ANO5: variants seen among roughly 807,000 people sequenced by gnomAD.
ANO5 encodes the protein anoctamin 5.
ANO5 carries 109 observed loss-of-function variants against 121.0 expected under a neutral mutation model. That is an observed-to-expected ratio of 0.90 (90% CI 0.77 to 1.06). The LOEUF is 1.06. ANO5 is among the 50% of genes least tolerant of loss of function. The pLI is 0.00. For synonymous variants in ANO5, 406 were observed against 359.9 expected (o/e 1.13, Z -1.45); for missense variants, 1,064 against 1,078.5 (o/e 0.99, Z 0.19).
intron 3 of ANO5, among the ~76,000 whole-genome samples, chr11:22,212,027 A>C (rs989193720): frequency 1.3e-5 from 2 of 151,408 alleles, no homozygotes; most frequent in African/African-American, 4.8e-5. Context: ...AGCATTTTAC[A>C]TGATTCCAAA....
chr11:22,221,074 T>C (rs1348079465), intron 4 of ANO5, 23 bp from the exon 5 acceptor site: 2 of 1,494,840 alleles, frequency 1.3e-6, no homozygotes, highest in East Asian at 4.5e-5. Context: ...AATTTACAAT[T>C]GTGTCATTTA....
intron 6 of ANO5, 107 bp downstream of exon 6, chr11:22,226,159 T>C: frequency 1.1e-6 from 1 of 888,568 alleles, no homozygotes; most frequent in Admixed American, 2.0e-5. Context: ...ATACAATAGC[T>C]CTTTTGGCTA....
In ANO5 at chr11:22,215,534, A is replaced by G. The variant is rs145395621; in HGVS notation, c.139-2712A>G. 3.4e-3 allele frequency among the ~76,000 whole-genome samples: 514 copies of G among 152,086 alleles called. 2 individuals carry two copies. Among genetic ancestry groups the G allele is most frequent in the African/African-American group, 0.012 (495 of 41,546 alleles). On this transcript the variant is annotated intron_variant, in intron 3 of 21. Transcript: ENST00000324559. ...CCAAATGCTTTCTCAGCATATGCAT[A>G]TGGATGTCTAAAAGCTATCTCAAGA...
At chr11:22,213,072 A>T (rs1852331851) in intron 3 of ANO5, among the ~76,000 whole-genome samples, 1 of 151,266 alleles carries the variant, frequency 6.6e-6, no homozygotes, top group Non-Finnish European at 1.5e-5. Flanking sequence ...ATAGTTTTAG[A>T]TTTTATTATA....
chr11:22,272,918 T>G lies in ANO5; in HGVS notation c.2164T>G (p.Ser722Ala). 6.2e-7 allele frequency: 1 copy of G among 1,614,154 alleles called. No individual in the cohort carries two copies. Among genetic ancestry groups the G allele is most frequent in the Middle Eastern group, 1.6e-4 (1 of 6,062 alleles). Reference sequence around the variant, plus strand: ...CACTCAATACAGGAGAACTGTAGCTTCTAAAGCTCATAGCATAGGTGTTTG... The same window carrying G: ...CACTCAATACAGGAGAACTGTAGCTGCTAAAGCTCATAGCATAGGTGTTTG... ...LTTQYRRTVA[S>A]KAHSIGVWQD... The change falls in exon 19 of 22, where the codon TCT becomes GCT. Residue 722 changes from serine (S) to alanine (A), a missense_variant. Ser to Ala is a moderately conservative substitution (Grantham distance 99). Transcript: ENST00000324559.
chr11:22,259,594 A>C lies in ANO5; in HGVS notation c.1483A>C (p.Met495Leu), dbSNP rs1379096621. Reference sequence around the variant, plus strand: ...AGTCTTTGCTACATTTGCTAGTTTCATGGAAAGTGATGCATCCTTAAAGCA... The same window carrying C: ...AGTCTTTGCTACATTTGCTAGTTTCCTGGAAAGTGATGCATCCTTAAAGCA... ...LSVFATFASF[M>L]ESDASLKQVK... The change falls in exon 15 of 22, where the codon ATG becomes CTG. Residue 495 changes from methionine to leucine, a missense_variant. By Grantham distance (15) the Met-to-Leu change is conservative (BLOSUM62 2). Coordinates refer to ENST00000324559, the MANE Select transcript of ANO5 (RefSeq NM_213599.3). 3.1e-6 allele frequency: 5 copies of C among 1,613,998 alleles called. No homozygotes were observed. Among genetic ancestry groups the C allele is most frequent in the African/African-American group, 2.7e-5 (2 of 74,912 alleles).
At position 22,193,329 on chromosome 11, in the gene ANO5, A is replaced by AG. The variant is rs1851706605; in HGVS notation, c.-163dup. 25 of 1,485,204 alleles carry AG rather than the reference A, an allele frequency of 1.7e-5. No homozygotes were observed. The East Asian group carries it at 4.3e-4, about 25-fold the overall frequency. The allele number at this position is 1,485,204 out of a possible 1,614,324, so 92.0% of individuals were successfully genotyped here. On this transcript the variant is annotated 5_prime_UTR_variant, in exon 1 of 22. Coordinates refer to ENST00000324559, the MANE Select transcript of ANO5 (RefSeq NM_213599.3). ...GAGACGGTGGAGTCCGAGGAGGAGG[A>AG]GAAGGAGGCCTGCAGAAGGAAGAGC...
chr11:22,200,856 T>G (rs929079956), intron 1 of ANO5, among the ~76,000 whole-genome samples: 5 of 152,156 alleles, frequency 3.3e-5, no homozygotes, highest in Non-Finnish European at 5.9e-5. Flanking sequence ...AGGATTTGAA[T>G]TATCACCTAG....
chr11:22,281,455 G>A lies in ANO5; in HGVS notation c.*1690G>A, dbSNP rs1227409752. The A allele has an allele frequency of 6.6e-6, 1 of 151,970 alleles. No homozygotes were observed. The highest frequency in any genetic ancestry group is 1.5e-5 in the Non-Finnish European group (1 of 67,892). 9.4% of individuals were successfully genotyped at this position (151,970 alleles called of 1,614,324 possible). A position where few individuals can be genotyped will look rare whatever the true frequency, so the allele number is the denominator to read the frequency against. On this transcript the variant is annotated 3_prime_UTR_variant, in exon 22 of 22. Coordinates refer to ENST00000324559, the MANE Select transcript of ANO5 (RefSeq NM_213599.3). ...TGAGTAGACTTTATGAATATTTTGG[G>A]TAATTTGAAATGATCTCATTATTGA...
At chr11:22,259,451 A>C in intron 14 of ANO5, 68 bp from the exon 15 acceptor site, 1 of 1,408,764 alleles carries the variant, frequency 7.1e-7, no homozygotes, top group Non-Finnish European at 1.0e-6. Context: ...AATAATCAAT[A>C]TGTTAGATAT....
intron 1 of ANO5, among the ~76,000 whole-genome samples, chr11:22,193,772 G>A (rs1234193794): frequency 6.6e-6 from 1 of 152,174 alleles, no homozygotes; most frequent in East Asian, 1.9e-4. Flanking sequence ...CCAGGGACCT[G>A]CGACCTGTGA....
intron 1 of ANO5, 100 bp downstream of exon 1, chr11:22,193,632 G>C: frequency 4.2e-6 from 6 of 1,441,084 alleles, no homozygotes; most frequent in African/African-American, 1.4e-5. Flanking sequence ...CGGCCCTGCG[G>C]CCTGAGTCCT....
At chr11:22,211,810 C>T (rs914777936) in intron 3 of ANO5, among the ~76,000 whole-genome samples, 1 of 151,716 alleles carries the variant, frequency 6.6e-6, no homozygotes, top group Non-Finnish European at 1.5e-5. Context: ...AGTTGCCTAG[C>T]AAGTAAAAAA....
chr11:22,281,951 A>C lies in ANO5; in HGVS notation c.*2186A>C, dbSNP rs1855096341. The C allele has an allele frequency of 6.6e-6, 1 of 152,134 alleles. No homozygotes were observed. Among genetic ancestry groups the C allele is most frequent in the Admixed American group, 6.5e-5 (1 of 15,268 alleles). 9.4% of individuals were successfully genotyped at this position (152,134 alleles called of 1,614,324 possible). On this transcript the variant is annotated 3_prime_UTR_variant, in exon 22 of 22. Coordinates refer to ENST00000324559, the MANE Select transcript of ANO5 (RefSeq NM_213599.3). ...TTATTCACCTTTAAATTTCTTATCA[A>C]GAAGTTTATCTTTGTTTTTCAGATT...
At chr11:22,227,633 A>T in intron 7 of ANO5, 47 bp downstream of exon 7, 1 of 1,595,296 alleles carries the variant, frequency 6.3e-7, no homozygotes, top group Non-Finnish European at 8.6e-7. Flanking sequence ...TACGAGATGT[A>T]TGCTTGTGTG....
At chr11:22,255,776 C>T (rs1479265335) in intron 13 of ANO5, among the ~76,000 whole-genome samples, 1 of 152,068 alleles carries the variant, frequency 6.6e-6, no homozygotes, top group Non-Finnish European at 1.5e-5. Flanking sequence ...ACCCATCACT[C>T]AGAATGAATC....
chr11:22,240,206 G>T (rs576307419), intron 9 of ANO5, among the ~76,000 whole-genome samples: 4 of 151,960 alleles, frequency 2.6e-5, no homozygotes, highest in Non-Finnish European at 4.4e-5. Flanking sequence ...GAGCTGTGAA[G>T]ACATTTGTTC....
At chr11:22,265,594 A>G (rs1157122353) in intron 17 of ANO5, among the ~76,000 whole-genome samples, 1 of 152,178 alleles carries the variant, frequency 6.6e-6, no homozygotes, top group Non-Finnish European at 1.5e-5. Flanking sequence ...GGAGAACTAC[A>G]AAATCCTGAT....
At chr11:22,218,135 A>ACACACACACACACACACACC in intron 3 of ANO5, 111 bp from the exon 4 acceptor site, 1 of 1,178,022 alleles carries the variant, frequency 8.5e-7, no homozygotes. Flanking sequence ...ACACACACAC[A>ACACACACACACACACACACC]CACACTTATA....
Sources: allele counts gnomAD v4.1 joint callset (sites outside exome capture counted in the v4.1 genomes callset), GRCh38; gene constraint gnomAD v4.1.1; transcripts MANE v1.5; gene names NCBI Gene and HGNC (gene_info 2026-07-23, HGNC 2026-07-21).